Variants in TNPO2 observed in about 807,000 individuals in gnomAD.
The protein encoded by TNPO2 is transportin 2, also known as transportin-2.
In TNPO2, 16 loss-of-function variants were observed where a neutral mutation model predicts 111.1. That is an observed-to-expected ratio of 0.14 (90% CI 0.10 to 0.22). The LOEUF (loss-of-function observed/expected upper bound fraction) is 0.22, where lower values mean the gene tolerates loss of function less well. Ranked by LOEUF, TNPO2 falls within the 10% of genes least tolerant of loss-of-function variation. The pLI is 1.00. For synonymous variants in TNPO2, 481 were observed against 475.8 expected, an observed-to-expected ratio of 1.01 and a Z score of -0.14; for missense variants, 530 against 1,173.7, an observed-to-expected ratio of 0.45 and a Z score of 8.01.
At chr19:12,703,042 G>A (rs1265657021) in intron 20 of TNPO2, 124 bp from the exon 21 acceptor site, 4 of 815,454 alleles carry the variant, frequency 4.9e-6, no homozygotes, top group Non-Finnish European at 8.0e-6. Flanking sequence ...CTACCAGTGA[G>A]GAAACAAAAG....
chr19:12,706,908 T>G lies in TNPO2; in HGVS notation c.1271-113A>C, dbSNP rs1470708829. Reference sequence around the variant, plus strand: ...TATAGGGAAACTGAGGCTTAGAGTTTAAATCACTGGCCCAGACTCATTTCA... The same window carrying G: ...TATAGGGAAACTGAGGCTTAGAGTTGAAATCACTGGCCCAGACTCATTTCA... On this transcript the variant is annotated intron_variant, in intron 13 of 25. Coordinates refer to ENST00000425528, the MANE Select transcript of TNPO2 (RefSeq NM_001382241.1). This position sits in a 1 kb window ranked among gnomAD's most constrained non-coding sequence, Gnocchi z 7.0. 1.1e-6 allele frequency: 1 copy of G among 901,198 alleles called. No individual in the cohort carries two copies. The highest frequency in any genetic ancestry group is 2.7e-5 in the East Asian group (1 of 37,728). 55.8% of individuals were successfully genotyped at this position (901,198 alleles called of 1,614,324 possible).
At position 12,721,227 on chromosome 19, in the gene TNPO2, C is replaced by T; in HGVS notation, c.-13-237G>A. On this transcript the variant is annotated intron_variant, in intron 2 of 25. Coordinates refer to ENST00000425528, the MANE Select transcript of TNPO2 (RefSeq NM_001382241.1). The surrounding 1 kb of genome is among the most constrained non-coding windows in gnomAD (Gnocchi z 4.9). Reference sequence around the variant, plus strand: ...GGATGTGGAAACGGGCCACAGGCGGCGGCGGCGGGGCCCGGCGGATCCTCA... The same window carrying T: ...GGATGTGGAAACGGGCCACAGGCGGTGGCGGCGGGGCCCGGCGGATCCTCA... 1 of 1,326,050 alleles carries T rather than the reference C, an allele frequency of 7.5e-7. No homozygotes were observed. Among genetic ancestry groups the T allele is most frequent in the Non-Finnish European group, 9.6e-7 (1 of 1,039,574 alleles). 82.1% of individuals were successfully genotyped at this position (1,326,050 alleles called of 1,614,324 possible).
chr19:12,705,443 C>G lies in TNPO2; in HGVS notation c.1864-45G>C. On this transcript the variant is annotated intron_variant, in intron 17 of 25. Transcript: ENST00000425528. This position sits in a 1 kb window ranked among gnomAD's most constrained non-coding sequence, Gnocchi z 7.2. Reference sequence around the variant, plus strand: ...GGGGCACGGGTAAGTGGAGCAGGCCCGAGGCAGGCCAATGCAGAAGCACAG... The same window carrying G: ...GGGGCACGGGTAAGTGGAGCAGGCCGGAGGCAGGCCAATGCAGAAGCACAG... The G allele has an allele frequency of 6.4e-7, 1 of 1,573,974 alleles. No homozygotes were observed. Among genetic ancestry groups the G allele is most frequent in the Non-Finnish European group, 8.6e-7 (1 of 1,159,630 alleles).
chr19:12,703,292 C>T lies in TNPO2; in HGVS notation c.2209+136G>A, dbSNP rs2025436227. 4.2e-6 allele frequency: 3 copies of T among 721,034 alleles called. No homozygotes were observed. The Admixed American group carries it at 7.8e-5, about 19-fold the overall frequency. The allele number at this position is 721,034 out of a possible 1,614,324, so 44.7% of individuals were successfully genotyped here. A position where few individuals can be genotyped will look rare whatever the true frequency, so the allele number is the denominator to read the frequency against. On this transcript the variant is annotated intron_variant, in intron 20 of 25. Coordinates refer to ENST00000425528, the MANE Select transcript of TNPO2 (RefSeq NM_001382241.1). ...TTTAGAGAAGCCAATCACAAATGAC[C>T]TTTCTGCTTGGCTCCACCCCTGACG...
At position 12,706,261 on chromosome 19, in the gene TNPO2, G is replaced by A. The variant is rs1435737871; in HGVS notation, c.1603C>T (p.Leu535=). 2 of 1,614,040 alleles carry A rather than the reference G, an allele frequency of 1.2e-6. No homozygotes were observed. The highest frequency in any genetic ancestry group is 1.7e-5 in the Admixed American group (1 of 60,028). The change falls in exon 15 of 26, where the codon CTG becomes TTG. Residue 535 remains leucine (L), a synonymous_variant. Coordinates refer to ENST00000425528, the MANE Select transcript of TNPO2 (RefSeq NM_001382241.1). The surrounding 1 kb of genome is among the most constrained non-coding windows in gnomAD (Gnocchi z 7.0). ...FAFGKYQHKN[L]LILYDAIGTL... ...CCAATGGCGTCATAGAGGATGAGCA[G>A]GTTCTTGTGCTGGTATTTCCCAAAG...
chr19:12,701,685 G>A lies in TNPO2; in HGVS notation c.2512-13C>T, dbSNP rs746220793. ...AGAAAATAAAGTCCTGAAACGTGACGGATCCCAGGTGAGGGGCCGCCCGAG... is the reference window on the plus strand; with the variant it reads ...AGAAAATAAAGTCCTGAAACGTGACAGATCCCAGGTGAGGGGCCGCCCGAG... On this transcript the variant is annotated splice_polypyrimidine_tract_variant and intron_variant, in intron 23 of 25. Transcript: ENST00000425528. This position sits in a 1 kb window ranked among gnomAD's most constrained non-coding sequence, Gnocchi z 5.0. 12 of 1,613,674 alleles carry A rather than the reference G, an allele frequency of 7.4e-6. No individual in the cohort carries two copies. Among genetic ancestry groups the A allele is most frequent in the South Asian group, 2.2e-5 (2 of 91,078 alleles).
chr19:12,721,699 G>A lies in TNPO2; in HGVS notation c.-13-709C>T, dbSNP rs567921928. The A allele has an allele frequency of 6.6e-5, 14 of 211,800 alleles. No homozygotes were observed. The highest frequency in any genetic ancestry group is 2.9e-4 in the African/African-American group (12 of 41,684). 13.1% of individuals were successfully genotyped at this position (211,800 alleles called of 1,614,324 possible). On this transcript the variant is annotated intron_variant, in intron 2 of 25. Coordinates refer to ENST00000425528, the MANE Select transcript of TNPO2 (RefSeq NM_001382241.1). The surrounding 1 kb of genome is among the most constrained non-coding windows in gnomAD (Gnocchi z 4.9). ...GTCTCTGCTGCCTCTTCGAATGAGA[G>A]CCAGCCAAGCCCGGCCAACCCACTA...
rs1280529845 is a variant in TNPO2, at chr19:12,702,303, C to T, written c.2306-126G>A. ...CCCTGGTCCCCCAAGCTTGGCCCAG[C>T]CAGGGGTCCTCCTCATCACACCTGA... On this transcript the variant is annotated intron_variant, in intron 21 of 25. Coordinates refer to ENST00000425528, the MANE Select transcript of TNPO2 (RefSeq NM_001382241.1). This position sits in a 1 kb window ranked among gnomAD's most constrained non-coding sequence, Gnocchi z 5.5. The T allele has an allele frequency of 4.5e-5, 34 of 757,768 alleles. No individual in the cohort carries two copies. In the Admixed American group the frequency reaches 7.3e-4, roughly 16 times the overall value. The allele number at this position is 757,768 out of a possible 1,614,324, so 46.9% of individuals were successfully genotyped here.
intron 5 of TNPO2, among the ~76,000 whole-genome samples, chr19:12,718,193 G>A (rs1461777387): frequency 6.9e-6 from 1 of 145,482 alleles, no homozygotes; most frequent in Non-Finnish European, 1.5e-5. Context: ...TTGAGATGGA[G>A]TCTCGTTGTA....
intron 20 of TNPO2, 106 bp downstream of exon 20, chr19:12,703,322 C>A: frequency 9.5e-7 from 1 of 1,050,076 alleles, no homozygotes; most frequent in Non-Finnish European, 1.4e-6. Flanking sequence ...CTGACGACCC[C>A]CAAGAGACTT....
rs748457849 is a variant in TNPO2, at chr19:12,706,464, C to T, written c.1497-97G>A. On this transcript the variant is annotated intron_variant, in intron 14 of 25. Coordinates refer to ENST00000425528, the MANE Select transcript of TNPO2 (RefSeq NM_001382241.1). The surrounding 1 kb of genome is among the most constrained non-coding windows in gnomAD (Gnocchi z 7.0). The stretch of plus-strand genomic sequence containing the variant: ...GAGGGCAACTCAGGATCAGCCAGTA[C>T]GAATACGCGATAAATCAGTTCCACA... The T allele has an allele frequency of 1.1e-5, 17 of 1,573,128 alleles. No individual in the cohort carries two copies. In the Admixed American group the frequency reaches 1.2e-4, roughly 11 times the overall value.
At position 12,702,944 on chromosome 19, in the gene TNPO2, T is replaced by C. The variant is rs1467533982; in HGVS notation, c.2210-26A>G. On this transcript the variant is annotated intron_variant, in intron 20 of 25. Transcript: ENST00000425528. This position sits in a 1 kb window ranked among gnomAD's most constrained non-coding sequence, Gnocchi z 5.5. ...CTGGGGGAGCACCCAGTCAGAGCCC[T>C]GCACAGCCCCCGCCACCCACAGGGG... is the stretch of plus-strand genomic sequence containing the variant. The C allele has an allele frequency of 8.1e-6, 13 of 1,608,300 alleles. No individual in the cohort carries two copies. The highest frequency in any genetic ancestry group is 1.0e-5 in the Non-Finnish European group (12 of 1,175,402).
chr19:12,712,928 C>G (rs1200420605), intron 10 of TNPO2, among the ~76,000 whole-genome samples: 1 of 152,168 alleles, frequency 6.6e-6, no homozygotes, highest in Non-Finnish European at 1.5e-5. Flanking sequence ...CCCTATCACC[C>G]AGGCTGGAGT....
chr19:12,706,464 C>A lies in TNPO2; in HGVS notation c.1497-97G>T. 6.4e-7 allele frequency: 1 copy of A among 1,573,250 alleles called. No homozygotes were observed. Among genetic ancestry groups the A allele is most frequent in the Non-Finnish European group, 8.7e-7 (1 of 1,143,980 alleles). ...GAGGGCAACTCAGGATCAGCCAGTA[C>A]GAATACGCGATAAATCAGTTCCACA... On this transcript the variant is annotated intron_variant, in intron 14 of 25. Coordinates refer to ENST00000425528, the MANE Select transcript of TNPO2 (RefSeq NM_001382241.1). This position sits in a 1 kb window ranked among gnomAD's most constrained non-coding sequence, Gnocchi z 7.0.
chr19:12,720,362 G>A (rs2026613842), intron 3 of TNPO2, among the ~76,000 whole-genome samples: 1 of 151,278 alleles, frequency 6.6e-6, no homozygotes, highest in Admixed American at 6.6e-5. Context: ...TGTCGCCCAG[G>A]GTGGCTGGAG....
rs917180904 is a variant in TNPO2 at position 12,705,386 on chromosome 19, G to A, written c.1876C>T (p.His626Tyr). ...TLAQAMMYTQ[H>Y]PEQYEAPDKD... ...TCGGGAGCCTCATACTGCTCAGGGT[G>A]CTGGGTGTACATCTAGACACAGATG... Residue 626 changes from histidine to tyrosine, a missense_variant, in exon 18 of 26, where the codon CAC becomes TAC. Around this residue, in one of 4 missense-constraint regions of TNPO2, gnomAD observed 183 missense variants for 481.0 expected, o/e 0.38. Transcript: ENST00000425528. The surrounding 1 kb of genome is among the most constrained non-coding windows in gnomAD (Gnocchi z 7.2). 2 of 1,584,704 alleles carry A rather than the reference G, an allele frequency of 1.3e-6. No homozygotes were observed. The highest frequency in any genetic ancestry group is 1.3e-5 in the African/African-American group (1 of 74,264).
In TNPO2 at chr19:12,702,428, T is replaced by C. The variant is rs1433909840; in HGVS notation, c.2306-251A>G. The C allele has an allele frequency of 1.2e-5, 8 of 642,526 alleles. No homozygotes were observed. Among genetic ancestry groups the C allele is most frequent in the Non-Finnish European group, 2.3e-5 (8 of 348,982 alleles). The allele number at this position is 642,526 out of a possible 1,614,324, so 39.8% of individuals were successfully genotyped here. A position where few individuals can be genotyped will look rare whatever the true frequency, so the allele number is the denominator to read the frequency against. On this transcript the variant is annotated intron_variant, in intron 21 of 25. Coordinates refer to ENST00000425528, the MANE Select transcript of TNPO2 (RefSeq NM_001382241.1). The surrounding 1 kb of genome is among the most constrained non-coding windows in gnomAD (Gnocchi z 5.5). ...TTTTGTTTTTGAGATGGAGTCTTGC[T>C]CTGTTGCCCAGGCTGGAGTGCAGTG...
At chr19:12,711,037 G>A (rs764502705) in intron 12 of TNPO2, among the ~76,000 whole-genome samples, 13 of 152,158 alleles carry the variant, frequency 8.5e-5, no homozygotes, top group Non-Finnish European at 1.6e-4. Flanking sequence ...TGGGACTACA[G>A]GCGCCCGACA....
chr19:12,712,668 C>A (rs1470584662), intron 10 of TNPO2, among the ~76,000 whole-genome samples: 2 of 152,176 alleles, frequency 1.3e-5, no homozygotes, highest in African/African-American at 4.8e-5. Flanking sequence ...GACACGTGAC[C>A]CATGTGACCT....
Sources: allele counts gnomAD v4.1 joint callset (sites outside exome capture counted in the v4.1 genomes callset), GRCh38; gene constraint gnomAD v4.1.1; regional missense constraint gnomAD v4.1.1; non-coding constraint Gnocchi (gnomAD v3.1); transcripts MANE v1.5; gene names NCBI Gene and HGNC (gene_info 2026-07-23, HGNC 2026-07-21).